The following ANKRD26 variants were observed in gnomAD, a reference collection of about 807,000 sequenced individuals.
ANKRD26 encodes the protein ankyrin repeat domain-containing protein 26.
A neutral mutation model predicts 208.7 loss-of-function variants in ANKRD26; 141 were observed. That is an observed-to-expected ratio of 0.68 (90% CI 0.59 to 0.78). The LOEUF (loss-of-function observed/expected upper bound fraction) is 0.78, where lower values mean the gene tolerates loss of function less well. Among genes scored for constraint, ANKRD26 ranks in the 30% least tolerant of loss-of-function variants. The probability of loss-of-function intolerance (pLI) is 0.00; values close to 1 mark genes in which losing one functional copy is unlikely to be tolerated. For missense variants in ANKRD26, 1,889 were observed against 1,938.7 expected (o/e 0.97, Z 0.48); for synonymous variants, 636 against 660.4 (o/e 0.96, Z 0.57).
At chr10:27,039,847 A>T in intron 21 of ANKRD26, 118 bp downstream of exon 21, 6 of 881,558 alleles carry the variant, frequency 6.8e-6, no homozygotes, top group Admixed American at 2.1e-5. Context: ...TTCACACTCC[A>T]CAAGACTAAG....
chr10:27,042,685 A>G (rs763874867), intron 20 of ANKRD26, among the ~76,000 whole-genome samples: 16 of 151,868 alleles, frequency 1.1e-4, no homozygotes, highest in Non-Finnish European at 1.2e-4. Context: ...CCCAGGAGGC[A>G]GACCTTGCAG....
intron 20 of ANKRD26, 68 bp downstream of exon 20, chr10:27,043,358 C>T (rs1278674177): frequency 3.2e-6 from 5 of 1,553,226 alleles, no homozygotes; most frequent in Non-Finnish European, 4.4e-6. Context: ...AATGTACATA[C>T]ATTTATTACA....
intron 4 of ANKRD26, chr10:27,088,571 A>T (rs1277569734): frequency 6.6e-6 from 1 of 152,176 alleles, no homozygotes; most frequent in Non-Finnish European, 1.5e-5. Flanking sequence ...TAAAAACTTA[A>T]GGTAGAGATG....
intron 32 of ANKRD26, among the ~76,000 whole-genome samples, chr10:27,012,585 C>G (rs912083737): frequency 6.6e-6 from 1 of 152,070 alleles, no homozygotes; most frequent in Non-Finnish European, 1.5e-5. Flanking sequence ...GAGGGTGAGG[C>G]AGGCAGATCA....
At chr10:27,085,371 T>C (rs1373212876) in intron 5 of ANKRD26, among the ~76,000 whole-genome samples, 5 of 152,138 alleles carry the variant, frequency 3.3e-5, no homozygotes. Context: ...AGTGCTGGGA[T>C]TACAGGCGTG....
rs779697681 is a variant in ANKRD26 at position 27,066,520 on chromosome 10, T to G, written c.1236A>C (p.Gln412His). 6.2e-7 allele frequency: 1 copy of G among 1,601,346 alleles called. No homozygotes were observed. Among genetic ancestry groups the G allele is most frequent in the Non-Finnish European group, 8.5e-7 (1 of 1,172,164 alleles). The change falls in exon 11 of 34, where the codon CAA (glutamine) becomes CAC (histidine). Residue 412 changes from glutamine to histidine, a missense_variant. Coordinates refer to ENST00000376087, the MANE Select transcript of ANKRD26 (RefSeq NM_014915.3). Reference sequence around the variant, plus strand: ...CCCAAGGTGATTCTATATCTTCCTCTTGTCCTAATCCTAATGCGGACATCA... The same window carrying G: ...CCCAAGGTGATTCTATATCTTCCTCGTGTCCTAATCCTAATGCGGACATCA... ...SDMMSALGLG[Q>H]EEDIESPWDS...
At chr10:26,967,443 C>T in the ANKRD26 span, among the ~76,000 whole-genome samples, 4 of 152,308 alleles carry the variant, frequency 2.6e-5, no homozygotes, top group South Asian at 6.2e-4. Flanking sequence ...CTTCAGACCA[C>T]AATCTTTTTT....
At chr10:27,024,372 TAGTTTTGAA>T in intron 28 of ANKRD26, 66 bp downstream of exon 28, 1 of 761,638 alleles carries the variant, frequency 1.3e-6, no homozygotes, top group Non-Finnish European at 2.2e-6. Context: ...AATTTATATC[TAGTTTTGAA>T]CAAAGTAAAA....
At chr10:27,077,303 G>A in intron 9 of ANKRD26, 35 bp downstream of exon 9, 1 of 1,510,972 alleles carries the variant, frequency 6.6e-7, no homozygotes, top group East Asian at 2.3e-5. Context: ...GCAGGGGAAG[G>A]GTACATGAAA....
intron 9 of ANKRD26, among the ~76,000 whole-genome samples, chr10:27,069,957 A>ATAAATAAATAAAT (rs2055419539): frequency 6.6e-6 from 1 of 152,086 alleles, no homozygotes; most frequent in Admixed American, 6.6e-5. Flanking sequence ...ATCTCTACAA[A>ATAAATAAATAAAT]AAATAAATAA....
At position 27,035,449 on chromosome 10, in the gene ANKRD26, T is replaced by C. The variant is rs199594174; in HGVS notation, c.3001A>G (p.Arg1001Gly). ...TATGATTCAACTTCTGCTTCCAGTCTTTCCTTGCTTTGCTTTTCATTCTCC... is the reference window on the plus strand; with the variant it reads ...TATGATTCAACTTCTGCTTCCAGTCCTTCCTTGCTTTGCTTTTCATTCTCC... ...KLENEKQSKE[R>G]LEAEVESYHS... The change falls in exon 24 of 34, where the codon AGA becomes GGA. Residue 1001 changes from arginine to glycine, a missense_variant. Coordinates refer to ENST00000376087, the MANE Select transcript of ANKRD26 (RefSeq NM_014915.3). 6.2e-7 allele frequency: 1 copy of C among 1,614,076 alleles called. No homozygotes were observed. The highest frequency in any genetic ancestry group is 8.5e-7 in the Non-Finnish European group (1 of 1,179,960).
At chr10:27,046,278 T>G in intron 18 of ANKRD26, 75 bp downstream of exon 18, 2 of 1,397,496 alleles carry the variant, frequency 1.4e-6, no homozygotes, top group Non-Finnish European at 2.0e-6. Flanking sequence ...TTTGGGAGAC[T>G]ACATCATTCT....
At chr10:27,092,357 C>A in intron 4 of ANKRD26, 49 bp downstream of exon 4, 6 of 1,416,628 alleles carry the variant, frequency 4.2e-6, no homozygotes, top group Non-Finnish European at 4.9e-6. Flanking sequence ...TCTAAAAAAA[C>A]TTTTAAACAT....
At chr10:27,018,584 T>C (rs917531014) in intron 29 of ANKRD26, among the ~76,000 whole-genome samples, 16 of 152,336 alleles carry the variant, frequency 1.1e-4, no homozygotes, top group African/African-American at 3.6e-4. Context: ...CATAAGCCTT[T>C]TTCTGAGCTG....
chr10:26,958,073 T>TTATATATATATATATATATATATA, the ANKRD26 span, among the ~76,000 whole-genome samples: 39 of 144,194 alleles, frequency 2.7e-4, no homozygotes, highest in African/African-American at 8.4e-4. Context: ...TCACCCAGTT[T>TTATATATATATATATATATATATA]TATATATATA....
At chr10:26,974,168 C>T (rs1218396674) in exon 6 of ANKRD26, among the ~76,000 whole-genome samples, 2 of 152,028 alleles carry the variant, frequency 1.3e-5, no homozygotes, top group Non-Finnish European at 2.9e-5. Flanking sequence ...AAAATACTCA[C>T]CACCCCTCTA....
downstream of ANKRD26, among the ~76,000 whole-genome samples, chr10:26,969,019 A>G (rs1232709152): frequency 6.6e-6 from 1 of 152,178 alleles, no homozygotes; most frequent in Non-Finnish European, 1.5e-5. Flanking sequence ...GGCTCCAAGA[A>G]GTTCCTTAGG....
At chr10:26,961,689 T>A in the ANKRD26 span, among the ~76,000 whole-genome samples, 5 of 151,822 alleles carry the variant, frequency 3.3e-5, no homozygotes, top group South Asian at 2.1e-4. Context: ...ACAATAAAAA[T>A]AATAATAATA....
At chr10:26,972,811 C>T (rs573566791), downstream of ANKRD26, among the ~76,000 whole-genome samples, 9 of 151,908 alleles carry the variant, frequency 5.9e-5, no homozygotes, top group Non-Finnish European at 1.3e-4. Flanking sequence ...AGGATGGTCT[C>T]GATCGCCTGA....
Sources: allele counts gnomAD v4.1 joint callset (sites outside exome capture counted in the v4.1 genomes callset), GRCh38; gene constraint gnomAD v4.1.1; transcripts MANE v1.5; gene names NCBI Gene and HGNC (gene_info 2026-07-23, HGNC 2026-07-21).